VPS33B: variants seen among roughly 807,000 people sequenced by gnomAD.
VPS33B encodes the protein vacuolar protein sorting-associated protein 33B.
A neutral mutation model predicts 95.3 loss-of-function variants in VPS33B; 80 were observed. The ratio of observed to expected loss-of-function variants is 0.84; its 90% confidence interval spans 0.70 to 1.01. The LOEUF (loss-of-function observed/expected upper bound fraction) is 1.01, where lower values mean the gene tolerates loss of function less well. Ranked by LOEUF, VPS33B falls within the 50% of genes least tolerant of loss-of-function variation. The pLI is 0.00. For synonymous variants in VPS33B, 280 were observed against 280.4 expected (o/e 1.00, Z 0.01); for missense variants, 715 against 773.4 (o/e 0.92, Z 0.90).
rs529180557 is a variant in VPS33B, at chr15:91,007,202, A to G, written c.604-156T>C. 1.2e-4 allele frequency among the ~76,000 whole-genome samples: 18 copies of G among 152,194 alleles called. No homozygotes were observed. The highest frequency in any genetic ancestry group is 3.9e-4 in the African/African-American group (16 of 41,508). On this transcript the variant is annotated intron_variant, in intron 8 of 22. Coordinates refer to ENST00000333371, the MANE Select transcript of VPS33B (RefSeq NM_018668.5). This position sits in a 1 kb window ranked among gnomAD's most constrained non-coding sequence, Gnocchi z 5.3. ...GCCCTATCTACTCCCGTCTGTGTCT[A>G]TCTTTCCCCAACACTCTTCCTACTG... is the stretch of plus-strand genomic sequence containing the variant.
Position 90,998,730 on chromosome 15 carries a change from G to A in VPS33B, c.*245C>T. The A allele has an allele frequency of 1.7e-6, 1 of 582,368 alleles. No individual in the cohort carries two copies. Among genetic ancestry groups the A allele is most frequent in the South Asian group, 1.9e-5 (1 of 51,524 alleles). The allele number at this position is 582,368 out of a possible 1,614,324, so 36.1% of individuals were successfully genotyped here. ...GACATTCAAACAGGATTTAGCAAAG[G>A]ATGCCTCTTCCTGCTCGCATCTTAG... is the stretch of plus-strand genomic sequence containing the variant. On this transcript the variant is annotated 3_prime_UTR_variant, in exon 23 of 23. Coordinates refer to ENST00000333371, the MANE Select transcript of VPS33B (RefSeq NM_018668.5). This position sits in a 1 kb window ranked among gnomAD's most constrained non-coding sequence, Gnocchi z 4.8.
chr15:91,001,047 G>A (rs2040421066), intron 19 of VPS33B: 1 of 366,040 alleles, frequency 2.7e-6, no homozygotes. Context: ...TGGGCGCAGT[G>A]GCTCATGCCT....
rs1567226165 is a variant in VPS33B, at chr15:91,011,988, C to CA, written c.357+1815_357+1816insT. On this transcript the variant is annotated intron_variant, in intron 5 of 22. Coordinates refer to ENST00000333371, the MANE Select transcript of VPS33B (RefSeq NM_018668.5). The surrounding 1 kb of genome is among the most constrained non-coding windows in gnomAD (Gnocchi z 5.5). ...TGGGTGACAGAGCAATGCACTGTCT[C>CA]CAAAAACAAAACAAAACAAAACAAA... is the stretch of plus-strand genomic sequence containing the variant. Among the ~76,000 whole-genome samples, 1 of 135,788 alleles carries CA rather than the reference C, an allele frequency of 7.4e-6. No homozygotes were observed. Among genetic ancestry groups the CA allele is most frequent in the African/African-American group, 3.1e-5 (1 of 32,432 alleles). 89.1% of individuals were successfully genotyped at this position (135,788 alleles called of 152,430 possible).
intron 2 of VPS33B, among the ~76,000 whole-genome samples, chr15:91,017,323 G>C (rs2040957259): frequency 8.5e-6 from 1 of 117,692 alleles, no homozygotes; most frequent in African/African-American, 3.2e-5. Flanking sequence ...AGGAGTTTGA[G>C]ATCAGCCTGG....
chr15:91,006,519 G>T lies in VPS33B; in HGVS notation c.779-74C>A. The stretch of plus-strand genomic sequence containing the variant: ...CTACCATTCCCTGAACTGCCATAAA[G>T]GTCCTCAAACTATTTGGAAGCCAGC... On this transcript the variant is annotated intron_variant, in intron 10 of 22. Coordinates refer to ENST00000333371, the MANE Select transcript of VPS33B (RefSeq NM_018668.5). This position sits in a 1 kb window ranked among gnomAD's most constrained non-coding sequence, Gnocchi z 5.4. 1.2e-6 allele frequency: 2 copies of T among 1,610,694 alleles called. No homozygotes were observed. The highest frequency in any genetic ancestry group is 1.7e-6 in the Non-Finnish European group (2 of 1,177,024).
rs11857433 is a variant in VPS33B at position 91,017,137 on chromosome 15, G to T, written c.178-113C>A. 0.24 allele frequency: 237,058 copies of T among 973,136 alleles called. 33,118 individuals carry two copies. Among genetic ancestry groups the T allele is most frequent in the East Asian group, 0.51 (21,156 of 41,496 alleles). The allele number at this position is 973,136 out of a possible 1,614,324, so 60.3% of individuals were successfully genotyped here. A position where few individuals can be genotyped will look rare whatever the true frequency, so the allele number is the denominator to read the frequency against. On this transcript the variant is annotated intron_variant, in intron 2 of 22. Transcript: ENST00000333371. Reference sequence around the variant, plus strand: ...TTCCTAATTATGCTAATTATTGAGGGCTTCCTAATTATGCTAATTATGCTC... The same window carrying T: ...TTCCTAATTATGCTAATTATTGAGGTCTTCCTAATTATGCTAATTATGCTC...
chr15:91,009,951 C>T lies in VPS33B; in HGVS notation c.358-105G>A. ...TGATGAGGACAATAATTGCCGAACC[C>T]AGTGAAAGACAAGAGAACCCAGACT... On this transcript the variant is annotated intron_variant, in intron 5 of 22. Coordinates refer to ENST00000333371, the MANE Select transcript of VPS33B (RefSeq NM_018668.5). The surrounding 1 kb of genome is among the most constrained non-coding windows in gnomAD (Gnocchi z 4.1). 2 of 1,312,684 alleles carry T rather than the reference C, an allele frequency of 1.5e-6. No homozygotes were observed. The highest frequency in any genetic ancestry group is 2.2e-6 in the Non-Finnish European group (2 of 914,924). The allele number at this position is 1,312,684 out of a possible 1,614,324, so 81.3% of individuals were successfully genotyped here. A position where few individuals can be genotyped will look rare whatever the true frequency, so the allele number is the denominator to read the frequency against.
intron 3 of VPS33B, 111 bp from the exon 4 acceptor site, chr15:91,014,544 A>C: frequency 7.2e-5 from 86 of 1,196,014 alleles, no homozygotes; most frequent in Middle Eastern, 1.9e-4. Flanking sequence ...TACAGGTCTC[A>C]TCCTAGCCAA....
rs2040903351 is a variant in VPS33B at position 91,015,646 on chromosome 15, A to G, written c.240-1213T>C. Among the ~76,000 whole-genome samples, 1 of 151,994 alleles carries G rather than the reference A, an allele frequency of 6.6e-6. No homozygotes were observed. The highest frequency in any genetic ancestry group is 2.4e-5 in the African/African-American group (1 of 41,434). ...GCACTCCAACCTGGGTGACAGAGTT[A>G]GACTCCTACTCAAAAAAATAAAATA... On this transcript the variant is annotated intron_variant, in intron 3 of 22. Transcript: ENST00000333371. This position sits in a 1 kb window ranked among gnomAD's most constrained non-coding sequence, Gnocchi z 4.7.
In VPS33B at chr15:91,000,067, T is replaced by C. The variant is rs1596348903; in HGVS notation, c.1582-92A>G. On this transcript the variant is annotated intron_variant, in intron 20 of 22. Transcript: ENST00000333371. This position sits in a 1 kb window ranked among gnomAD's most constrained non-coding sequence, Gnocchi z 4.9. ...GCAGCCAGACTGTCACATTTCTTGC[T>C]CATTACTCAAGTAGCAAAAAGTTGA... 1.4e-5 allele frequency: 22 copies of C among 1,531,744 alleles called. No individual in the cohort carries two copies. The East Asian group carries it at 5.0e-4, about 35-fold the overall frequency. 94.9% of individuals were successfully genotyped at this position (1,531,744 alleles called of 1,614,324 possible).
In VPS33B at chr15:91,022,407, T is replaced by A. The variant is rs781504595; in HGVS notation, c.-158A>T. 4 of 643,294 alleles carry A rather than the reference T, an allele frequency of 6.2e-6. No individual in the cohort carries two copies. The highest frequency in any genetic ancestry group is 1.1e-5 in the Non-Finnish European group (4 of 380,798). The allele number at this position is 643,294 out of a possible 1,614,324, so 39.8% of individuals were successfully genotyped here. On this transcript the variant is annotated 5_prime_UTR_variant, in exon 1 of 23. Coordinates refer to ENST00000333371, the MANE Select transcript of VPS33B (RefSeq NM_018668.5). Reference sequence around the variant, plus strand: ...TCGCTCCTCAGCAGCACTCCAGGAATGAATGGCCACCTCCAGGCAAGAGAG... The same window carrying A: ...TCGCTCCTCAGCAGCACTCCAGGAAAGAATGGCCACCTCCAGGCAAGAGAG...
Position 91,002,201 on chromosome 15 carries a change from G to A in VPS33B, c.1273-19C>T. On this transcript the variant is annotated intron_variant, in intron 17 of 22. Coordinates refer to ENST00000333371, the MANE Select transcript of VPS33B (RefSeq NM_018668.5). This position sits in a 1 kb window ranked among gnomAD's most constrained non-coding sequence, Gnocchi z 4.7. ...CATAGCTCTGAAGAAGATGCAATTA[G>A]ACTATTTACTGAGTGTCCAAAGAGC... 1 of 1,613,950 alleles carries A rather than the reference G, an allele frequency of 6.2e-7. No individual in the cohort carries two copies.
At position 91,005,435 on chromosome 15, in the gene VPS33B, G is replaced by C. The variant is rs1441672079; in HGVS notation, c.1050C>G (p.Ser350=). The C allele has an allele frequency of 6.2e-7, 1 of 1,614,028 alleles. No individual in the cohort carries two copies. Residue 350 remains serine, a synonymous_variant, in exon 14 of 23, where the codon TCC becomes TCG. Transcript: ENST00000333371. This position sits in a 1 kb window ranked among gnomAD's most constrained non-coding sequence, Gnocchi z 6.4. ...CCTGCTTGGTTTTCTTCTTCATGAT[G>C]GATTCACAGGCCCCAATATCTGCAG... The part of the protein sequence containing the change: ...LLSLHIGACE[S]IMKKKTKQDF...
Position 91,022,401 on chromosome 15 carries a change from C to A in VPS33B, c.-152G>T, listed in dbSNP as rs575715228. 33 of 691,960 alleles carry A rather than the reference C, an allele frequency of 4.8e-5. No individual in the cohort carries two copies. Among genetic ancestry groups the A allele is most frequent in the Admixed American group, 3.0e-4 (10 of 33,452 alleles). 42.9% of individuals were successfully genotyped at this position (691,960 alleles called of 1,614,324 possible). ...GGGCCCTCGCTCCTCAGCAGCACTC[C>A]AGGAATGAATGGCCACCTCCAGGCA... On this transcript the variant is annotated 5_prime_UTR_variant, in exon 1 of 23. Coordinates refer to ENST00000333371, the MANE Select transcript of VPS33B (RefSeq NM_018668.5).
Position 91,005,076 on chromosome 15 carries a change from A to C in VPS33B, c.1149T>G (p.Ile383Met). ...GCACCTGCCGGTCTATGTGTTCCTC[A>C]ATGTAGCTGGTGCTCTCCCGGATGT... ...GFNIRESTSYIEEHIDRQVSP... is the reference protein window; with the variant it reads ...GFNIRESTSYMEEHIDRQVSP... Residue 383 changes from isoleucine to methionine, a missense_variant, in exon 15 of 23, where the codon ATT becomes ATG. By Grantham distance (10) the Ile-to-Met change is conservative. Coordinates refer to ENST00000333371, the MANE Select transcript of VPS33B (RefSeq NM_018668.5). This position sits in a 1 kb window ranked among gnomAD's most constrained non-coding sequence, Gnocchi z 6.4. 1.9e-6 allele frequency: 3 copies of C among 1,614,162 alleles called. No homozygotes were observed. The highest frequency in any genetic ancestry group is 1.7e-5 in the Admixed American group (1 of 60,020).
In VPS33B at chr15:91,013,719, G is replaced by A; in HGVS notation, c.357+85C>T. 7.2e-7 allele frequency: 1 copy of A among 1,384,178 alleles called. No homozygotes were observed. The highest frequency in any genetic ancestry group is 1.0e-6 in the Non-Finnish European group (1 of 972,464). The allele number at this position is 1,384,178 out of a possible 1,614,324, so 85.7% of individuals were successfully genotyped here. A position where few individuals can be genotyped will look rare whatever the true frequency, so the allele number is the denominator to read the frequency against. The stretch of plus-strand genomic sequence containing the variant: ...AGCAACAGAAAACGAACGGAGACAG[G>A]GAGGTAGTGCTGTTGGCCCCTTACC... On this transcript the variant is annotated intron_variant, in intron 5 of 22. Transcript: ENST00000333371. This position sits in a 1 kb window ranked among gnomAD's most constrained non-coding sequence, Gnocchi z 4.5.
chr15:90,998,741 C>T lies in VPS33B; in HGVS notation c.*234G>A. ...AGGATTTAGCAAAGGATGCCTCTTC[C>T]TGCTCGCATCTTAGCAGCATGGGTT... On this transcript the variant is annotated 3_prime_UTR_variant, in exon 23 of 23. Transcript: ENST00000333371. This position sits in a 1 kb window ranked among gnomAD's most constrained non-coding sequence, Gnocchi z 4.8. 2 of 598,456 alleles carry T rather than the reference C, an allele frequency of 3.3e-6. No homozygotes were observed. Among genetic ancestry groups the T allele is most frequent in the East Asian group, 2.9e-5 (1 of 34,746 alleles). 37.1% of individuals were successfully genotyped at this position (598,456 alleles called of 1,614,324 possible).
Position 90,999,787 on chromosome 15 carries a change from G to A in VPS33B, c.1664C>T (p.Thr555Ile). 6.2e-7 allele frequency: 1 copy of A among 1,614,096 alleles called. No homozygotes were observed. Among genetic ancestry groups the A allele is most frequent in the Non-Finnish European group, 8.5e-7 (1 of 1,180,016 alleles). Residue 555 changes from threonine to isoleucine, a missense_variant, in exon 22 of 23, where the codon ACT becomes ATT. Physicochemically the swap from Thr to Ile is moderately conservative, Grantham distance 89 (BLOSUM62 -1). Coordinates refer to ENST00000333371, the MANE Select transcript of VPS33B (RefSeq NM_018668.5). The surrounding 1 kb of genome is among the most constrained non-coding windows in gnomAD (Gnocchi z 5.1). ...NCSDFAFTDM[T>I]KEDKASSESL... is the part of the protein sequence containing the mutation. Reference sequence around the variant, plus strand: ...CTCACTGGAAGCCTTGTCTTCCTTAGTCATATCTGTGAGGATCAGACCAGA... The same window carrying A: ...CTCACTGGAAGCCTTGTCTTCCTTAATCATATCTGTGAGGATCAGACCAGA...
At position 91,007,040 on chromosome 15, in the gene VPS33B, A is replaced by G; in HGVS notation, c.610T>C (p.Tyr204His). The change falls in exon 9 of 23, where the codon TAT (tyrosine) becomes CAT (histidine). Residue 204 changes from tyrosine to histidine, a missense_variant. Physicochemically the swap from Tyr to His is moderately conservative, Grantham distance 83. Coordinates refer to ENST00000333371, the MANE Select transcript of VPS33B (RefSeq NM_018668.5). The surrounding 1 kb of genome is among the most constrained non-coding windows in gnomAD (Gnocchi z 5.3). ...YGIGRCAKMAYELWRNLEEEE... is the reference protein window; with the variant it reads ...YGIGRCAKMAHELWRNLEEEE... ...TCCTCCAGGTTCCTCCACAATTCAT[A>G]TGCCATCTGCCAGGGCCCAAGACAT... 1 of 1,611,408 alleles carries G rather than the reference A, an allele frequency of 6.2e-7. No individual in the cohort carries two copies. The highest frequency in any genetic ancestry group is 1.1e-5 in the South Asian group (1 of 91,086).
Sources: allele counts gnomAD v4.1 joint callset (sites outside exome capture counted in the v4.1 genomes callset), GRCh38; gene constraint gnomAD v4.1.1; non-coding constraint Gnocchi (gnomAD v3.1); transcripts MANE v1.5; gene names NCBI Gene and HGNC (gene_info 2026-07-23, HGNC 2026-07-21).